The following MGAT4C variants were observed in gnomAD, a reference collection of about 807,000 sequenced individuals.
MGAT4C encodes the protein MGAT4 family member C.
In MGAT4C, 19 loss-of-function variants were observed where a neutral mutation model predicts 40.1. The ratio of observed to expected loss-of-function variants is 0.47; its 90% CI spans 0.33 to 0.70. The LOEUF (loss-of-function observed/expected upper bound fraction) is 0.70, where lower values mean the gene tolerates loss of function less well. MGAT4C is among the 30% of genes least tolerant of loss of function. The pLI is 0.02. For synonymous variants in MGAT4C, 181 were observed against 187.1 expected, an observed-to-expected ratio of 0.97 and a Z score of 0.27; for missense variants, 491 against 563.2, an observed-to-expected ratio of 0.87 and a Z score of 1.30.
chr12:85,980,869 G>A (rs973241233), intron 4 of MGAT4C, among the ~76,000 whole-genome samples: 3 of 152,004 alleles, frequency 2.0e-5, no homozygotes, highest in African/African-American at 7.2e-5. Context: ...CACAGTTAAG[G>A]CTGACAAACT....
chr12:86,794,384 T>C (rs1952076820), intron 1 of MGAT4C, among the ~76,000 whole-genome samples: 2 of 151,926 alleles, frequency 1.3e-5, no homozygotes, highest in South Asian at 4.1e-4. Context: ...TTTATTTATG[T>C]TTCTTTTCTA....
At chr12:86,176,465 C>A (rs558471988) in intron 1 of MGAT4C, among the ~76,000 whole-genome samples, 1 of 152,204 alleles carries the variant, frequency 6.6e-6, no homozygotes, top group Non-Finnish European at 1.5e-5. Context: ...ATGTAATTAG[C>A]TATTTTTTCT....
At chr12:86,385,604 C>T (rs1956035500) in intron 3 of MGAT4C, among the ~76,000 whole-genome samples, 1 of 152,178 alleles carries the variant, frequency 6.6e-6, no homozygotes, top group South Asian at 2.1e-4. Context: ...TCTTGTCAGC[C>T]TCATCTCTTG....
At chr12:86,424,968 G>C (rs1956898506) in intron 3 of MGAT4C, among the ~76,000 whole-genome samples, 1 of 152,068 alleles carries the variant, frequency 6.6e-6, no homozygotes, top group South Asian at 2.1e-4. Flanking sequence ...GTGTTAGCCA[G>C]GATGGTCTTG....
chr12:86,620,446 T>C (rs80061524), intron 2 of MGAT4C, among the ~76,000 whole-genome samples: 5,704 of 152,210 alleles, frequency 0.037, 141 homozygotes, highest in Non-Finnish European at 0.049. Flanking sequence ...CATTATCTTA[T>C]AAGAAATAAT....
At chr12:86,032,952 G>A (rs529410121) in intron 2 of MGAT4C, among the ~76,000 whole-genome samples, 10 of 149,832 alleles carry the variant, frequency 6.7e-5, no homozygotes, top group African/African-American at 1.9e-4. Flanking sequence ...TATGGTGTAA[G>A]GAAAGTGTCT....
Position 86,387,629 on chromosome 12 carries a change from C to T in MGAT4C, c.-120+47528G>A, listed in dbSNP as rs188304817. 2.2e-3 allele frequency among the ~76,000 whole-genome samples: 339 copies of T among 151,760 alleles called. 1 individual carries two copies. The highest frequency in any genetic ancestry group is 5.2e-3 in the South Asian group (25 of 4,812). ...GGCATTATTTATAAATGTTGTCAAT[C>T]GGTTATTTTATCTAGAATGTGCAAT... On this transcript the variant is annotated intron_variant, in intron 3 of 7. Coordinates refer to the MGAT4C transcript ENST00000548651.
At chr12:86,562,171 G>T (rs1422635455) in intron 2 of MGAT4C, among the ~76,000 whole-genome samples, 1 of 152,162 alleles carries the variant, frequency 6.6e-6, no homozygotes, top group Non-Finnish European at 1.5e-5. Context: ...AGCTTCAGAA[G>T]CACACTCTGA....
chr12:86,437,932 A>G (rs377143207), intron 2 of MGAT4C, among the ~76,000 whole-genome samples: 1 of 151,874 alleles, frequency 6.6e-6, no homozygotes, highest in African/African-American at 2.4e-5. Flanking sequence ...CTGAGACACA[A>G]AAATATTGAA....
At chr12:86,765,828 G>C (rs1019993090) in intron 1 of MGAT4C, among the ~76,000 whole-genome samples, 1 of 152,056 alleles carries the variant, frequency 6.6e-6, no homozygotes, top group African/African-American at 2.4e-5. Context: ...AGAGATTTTT[G>C]TCACCACCAG....
intron 3 of MGAT4C, among the ~76,000 whole-genome samples, chr12:86,400,145 T>A (rs1956330026): frequency 6.6e-6 from 1 of 152,168 alleles, no homozygotes; most frequent in East Asian, 1.9e-4. Context: ...GCATGCTTAG[T>A]AGGTGAGGGC....
chr12:86,238,833 A>G (rs575351244), intron 1 of MGAT4C, among the ~76,000 whole-genome samples: 73 of 152,148 alleles, frequency 4.8e-4, no homozygotes, highest in African/African-American at 1.7e-3. Context: ...GTATTATGCA[A>G]ACTCATAGTA....
intron 3 of MGAT4C, among the ~76,000 whole-genome samples, chr12:86,356,338 C>T (rs1955309743): frequency 6.6e-6 from 1 of 152,102 alleles, no homozygotes; most frequent in Non-Finnish European, 1.5e-5. Flanking sequence ...TGTTAATACA[C>T]ACACTAATTT....
chr12:86,006,183 A>C (rs993894954), intron 2 of MGAT4C, among the ~76,000 whole-genome samples: 2 of 152,174 alleles, frequency 1.3e-5, no homozygotes, highest in African/African-American at 4.8e-5. Flanking sequence ...GAAACACTTC[A>C]TGCTGTCACT....
At chr12:86,700,103 AGAT>A (rs1194731073) in intron 2 of MGAT4C, among the ~76,000 whole-genome samples, 1 of 139,908 alleles carries the variant, frequency 7.1e-6, no homozygotes, top group Non-Finnish European at 1.6e-5. Context: ...ATAGATAGAT[AGAT>A]GATAGATAGG....
intron 4 of MGAT4C, among the ~76,000 whole-genome samples, chr12:86,298,917 T>A (rs1402300045): frequency 6.6e-6 from 1 of 152,016 alleles, no homozygotes; most frequent in African/African-American, 2.4e-5. Flanking sequence ...TTTTCTATAC[T>A]TTTATGTAAT....
At chr12:86,762,791 T>C (rs1334982776) in intron 1 of MGAT4C, among the ~76,000 whole-genome samples, 2 of 152,216 alleles carry the variant, frequency 1.3e-5, no homozygotes, top group Non-Finnish European at 1.5e-5. Context: ...TAGAGAAACA[T>C]GTCATCATAA....
At chr12:85,982,615 T>C (rs919391068) in intron 4 of MGAT4C, among the ~76,000 whole-genome samples, 16 of 152,360 alleles carry the variant, frequency 1.1e-4, no homozygotes, top group South Asian at 4.1e-4. Flanking sequence ...AATGGTACTT[T>C]TTGTAAGCTA....
At chr12:86,420,776 C>CATAT (rs55902338) in intron 3 of MGAT4C, among the ~76,000 whole-genome samples, 2,307 of 144,110 alleles carry the variant, frequency 0.016, 29 homozygotes, top group African/African-American at 0.038. Flanking sequence ...ATTTACCTGA[C>CATAT]ATATATATAT....
Sources: allele counts gnomAD v4.1 joint callset (sites outside exome capture counted in the v4.1 genomes callset), GRCh38; gene constraint gnomAD v4.1.1; transcripts MANE v1.5; gene names NCBI Gene and HGNC (gene_info 2026-07-23, HGNC 2026-07-21).